Variants in MGRN1 observed in about 807,000 individuals in gnomAD.
MGRN1 encodes E3 ubiquitin-protein ligase MGRN1.
MGRN1 carries 29 observed loss-of-function variants against 69.2 expected under a neutral mutation model. That is an observed-to-expected ratio of 0.42 (90% CI 0.31 to 0.57). The LOEUF (loss-of-function observed/expected upper bound fraction) is 0.57, where lower values mean the gene tolerates loss of function less well. Ranked by LOEUF, MGRN1 falls within the 20% of genes least tolerant of loss-of-function variation. The pLI, the probability that MGRN1 is intolerant of heterozygous loss-of-function variation, is 0.15. For synonymous variants in MGRN1, 470 were observed against 344.2 expected (o/e 1.37, Z -4.04); for missense variants, 998 against 796.2 (o/e 1.25, Z -3.05).
intron 1 of MGRN1, among the ~76,000 whole-genome samples, chr16:4,643,802 A>G (rs59419814): frequency 0.042 from 6,469 of 152,254 alleles, 463 homozygotes; most frequent in African/African-American, 0.15. Flanking sequence ...CTAATACCCA[A>G]TTGATCAAAC....
At chr16:4,650,695 G>T in intron 2 of MGRN1, 1 of 432,192 alleles carries the variant, frequency 2.3e-6, no homozygotes, top group Non-Finnish European at 4.1e-6. Flanking sequence ...GATGGCCAGG[G>T]GCAGGTCACT....
rs370162653 is a variant in MGRN1, at chr16:4,665,130, G to C, written c.657G>C (p.Val219=). The change falls in exon 7 of 17, where the codon GTG becomes GTC. Residue 219 remains valine, a synonymous_variant. Transcript: ENST00000262370. The stretch of plus-strand genomic sequence containing the variant: ...TGGAAGTGACTGGCCACGCCCACGT[G>C]CTCTTGGCTGCCTTTGAAAAGGTAA... ...DVVEVTGHAH[V]LLAAFEKHMD... 573 of 1,614,208 alleles carry C rather than the reference G, an allele frequency of 3.5e-4. No homozygotes were observed. The highest frequency in any genetic ancestry group is 4.9e-4 in the Middle Eastern group (3 of 6,062).
chr16:4,664,627 G>C, intron 5 of MGRN1, 82 bp from the exon 6 acceptor site: 1 of 1,433,176 alleles, frequency 7.0e-7, no homozygotes, highest in Non-Finnish European at 9.8e-7. Flanking sequence ...TGCCTGCTTT[G>C]TCCAGCTCAT....
rs368807663 is a variant in MGRN1 at position 4,650,499 on chromosome 16, G to C, written c.207+16G>C. ...CCCGGTCCAGGTGGGTCTGGACAGG[G>C]CTGTCTCATGGGGCTGTGGGGGTGG... On this transcript the variant is annotated intron_variant, in intron 2 of 16. Coordinates refer to ENST00000262370, the MANE Select transcript of MGRN1 (RefSeq NM_015246.4). 122 of 1,586,786 alleles carry C rather than the reference G, an allele frequency of 7.7e-5. No individual in the cohort carries two copies. The highest frequency in any genetic ancestry group is 2.2e-4 in the African/African-American group (16 of 73,796).
At chr16:4,656,026 G>C (rs576969881) in intron 4 of MGRN1, among the ~76,000 whole-genome samples, 1 of 152,308 alleles carries the variant, frequency 6.6e-6, no homozygotes, top group East Asian at 1.9e-4. Flanking sequence ...GTACAGTGGT[G>C]GCCCCCCCAC....
intron 1 of MGRN1, among the ~76,000 whole-genome samples, chr16:4,638,580 G>C (rs184787094): frequency 1.3e-3 from 197 of 152,326 alleles, no homozygotes; most frequent in African/African-American, 4.6e-3. Context: ...GGGTGATACA[G>C]CTGGGTGGGA....
intron 5 of MGRN1, among the ~76,000 whole-genome samples, chr16:4,659,711 G>C (rs1265319276): frequency 2.0e-5 from 3 of 152,260 alleles, no homozygotes; most frequent in Non-Finnish European, 4.4e-5. Context: ...GGGCCTTCAA[G>C]GTGCTATCCT....
chr16:4,634,943 A>C (rs2141833511), intron 1 of MGRN1: 1 of 152,220 alleles, frequency 6.6e-6, no homozygotes, highest in South Asian at 2.1e-4. Flanking sequence ...CTGCTCACAT[A>C]ACTGAAGCTT....
intron 8 of MGRN1, chr16:4,669,055 C>A (rs1248810171): frequency 6.6e-6 from 1 of 152,242 alleles, no homozygotes; most frequent in Non-Finnish European, 1.5e-5. Context: ...TACTCACACA[C>A]ACTTATATAT....
rs199644481 is a variant in MGRN1, at chr16:4,680,036, C to T, written c.1070C>T (p.Pro357Leu). The T allele has an allele frequency of 3.1e-6, 5 of 1,613,924 alleles. No individual in the cohort carries two copies. The Admixed American group carries it at 5.0e-5, about 16-fold the overall frequency. The change falls in exon 12 of 17, where the codon CCC (proline) becomes CTC (leucine). Residue 357 changes from proline to leucine, a missense_variant. Pro to Leu is a moderately conservative substitution (Grantham distance 98, BLOSUM62 -3). Coordinates refer to ENST00000262370, the MANE Select transcript of MGRN1 (RefSeq NM_015246.4). ...QSLEHDEHSC[P>L]FKKSKPHPAS... is the part of the protein sequence containing the mutation. The stretch of plus-strand genomic sequence containing the variant: ...ATATGATTTTTATCTTGACAGTGTC[C>T]CTTTAAAAAATCAAAGCCGCACCCC...
rs747411588 is a variant in MGRN1 at position 4,688,959 on chromosome 16, G to C, written c.*51G>C. The C allele has an allele frequency of 6.7e-7, 1 of 1,502,066 alleles. No individual in the cohort carries two copies. The highest frequency in any genetic ancestry group is 2.1e-5 in the Admixed American group (1 of 48,128). 93.0% of individuals were successfully genotyped at this position (1,502,066 alleles called of 1,614,324 possible). Reference sequence around the variant, plus strand: ...AGCCCTCGGCTCCCCAGACTTTGCCGAGGGGCTGCTCCGGACCCCGTTGTG... The same window carrying C: ...AGCCCTCGGCTCCCCAGACTTTGCCCAGGGGCTGCTCCGGACCCCGTTGTG... On this transcript the variant is annotated 3_prime_UTR_variant, in exon 17 of 17. Coordinates refer to ENST00000262370, the MANE Select transcript of MGRN1 (RefSeq NM_015246.4).
At chr16:4,666,929 G>T (rs1483312733) in intron 7 of MGRN1, among the ~76,000 whole-genome samples, 1 of 152,218 alleles carries the variant, frequency 6.6e-6, no homozygotes, top group Non-Finnish European at 1.5e-5. Context: ...TGCCCACCTG[G>T]CATGGGTTTC....
chr16:4,686,306 A>G, intron 16 of MGRN1: 2 of 1,544,902 alleles, frequency 1.3e-6, no homozygotes, highest in Non-Finnish European at 8.7e-7. Flanking sequence ...GTAAGCCGGT[A>G]CGTGACCTCC....
intron 16 of MGRN1, chr16:4,686,283 T>C: frequency 1.3e-6 from 2 of 1,544,994 alleles, no homozygotes; most frequent in Non-Finnish European, 1.7e-6. Context: ...TCCTGCTCTG[T>C]TGGTATAGAC....
chr16:4,667,765 C>T (rs2078837414), intron 7 of MGRN1, among the ~76,000 whole-genome samples: 1 of 152,232 alleles, frequency 6.6e-6, no homozygotes, highest in Admixed American at 6.5e-5. Flanking sequence ...TGTGCTTGTT[C>T]TATTTCGTTC....
rs368938311 is a variant in MGRN1, at chr16:4,686,084, G to C, written c.1618+2152G>C. On this transcript the variant is annotated intron_variant, in intron 16 of 16. Transcript: ENST00000262370. Reference sequence around the variant, plus strand: ...GTGCGCTCCTCCGCGTTGAATTCTGGCTGCGCTCTGCCTCCCAGCTGTGGT... The same window carrying C: ...GTGCGCTCCTCCGCGTTGAATTCTGCCTGCGCTCTGCCTCCCAGCTGTGGT... Among the ~76,000 whole-genome samples the C allele has an allele frequency of 4.9e-4, 24 of 48,702 alleles. 1 individual carries two copies. The highest frequency in any genetic ancestry group is 9.3e-4 in the African/African-American group (23 of 24,788). The allele number at this position is 48,702 out of a possible 152,430, so 32.0% of individuals were successfully genotyped here.
rs138641499 is a variant in MGRN1, at chr16:4,673,180, A to C, written c.796-318A>C. 6.3e-4 allele frequency among the ~76,000 whole-genome samples: 95 copies of C among 151,964 alleles called. 1 individual carries two copies. The highest frequency in any genetic ancestry group is 4.6e-3 in the Admixed American group (71 of 15,272). ...TAAACCAAAGATAACGGGTACCCTG[A>C]CCCTCAGGAAGATGTGTTTCTTAGG... On this transcript the variant is annotated intron_variant, in intron 9 of 16. Transcript: ENST00000262370.
intron 5 of MGRN1, among the ~76,000 whole-genome samples, chr16:4,659,565 G>A (rs936737167): frequency 6.6e-6 from 1 of 152,232 alleles, no homozygotes; most frequent in Non-Finnish European, 1.5e-5. Context: ...TCCCGGACTT[G>A]GCACTGGACC....
At chr16:4,633,394 A>G (rs1290646275) in intron 1 of MGRN1, among the ~76,000 whole-genome samples, 1 of 142,982 alleles carries the variant, frequency 7.0e-6, no homozygotes, top group African/African-American at 2.6e-5. Context: ...TATTTATTGA[A>G]AAATTAATAA....
Sources: gnomAD v4.1 joint callset for allele counts (sites outside exome capture counted in the v4.1 genomes callset) on GRCh38, gnomAD v4.1.1 for gene constraint, MANE v1.5 for transcripts, NCBI Gene and HGNC (gene_info 2026-07-23, HGNC 2026-07-21) for gene names.